The following HDAC4 variants were observed in gnomAD, a reference collection of about 807,000 sequenced individuals.
HDAC4 encodes histone deacetylase A.
Under a neutral mutation model 135.1 loss-of-function variants are expected in HDAC4, and 16 were observed. That is an observed-to-expected ratio of 0.12 (90% CI 0.08 to 0.18). The LOEUF (loss-of-function observed/expected upper bound fraction) is 0.18. Among genes scored for constraint, HDAC4 ranks in the 10% least tolerant of loss-of-function variants. HDAC4 has a pLI of 1.00. For synonymous variants in HDAC4, 685 were observed against 653.4 expected (o/e 1.05, Z -0.74); for missense variants, 1,143 against 1,511.8 (o/e 0.76, Z 4.05).
chr2:239,338,476 A>C (rs1403790307), intron 2 of HDAC4, among the ~76,000 whole-genome samples: 1 of 152,182 alleles, frequency 6.6e-6, no homozygotes, highest in Non-Finnish European at 1.5e-5. Flanking sequence ...CCCCTAGTGC[A>C]AACATCAAAT....
intron 1 of HDAC4, among the ~76,000 whole-genome samples, chr2:239,381,851 G>A (rs1216868827): frequency 6.6e-6 from 1 of 152,200 alleles, no homozygotes. Flanking sequence ...GGAGGAGGGT[G>A]CAAAACCTCC....
chr2:239,132,062 A>T (rs1468921421), intron 11 of HDAC4, among the ~76,000 whole-genome samples: 1 of 152,242 alleles, frequency 6.6e-6, no homozygotes, highest in East Asian at 1.9e-4. Flanking sequence ...GGCCCCTGAG[A>T]CACTGAGGAC....
intron 2 of HDAC4, among the ~76,000 whole-genome samples, chr2:239,279,299 C>T (rs1211303929): frequency 6.6e-6 from 1 of 152,242 alleles, no homozygotes; most frequent in Admixed American, 6.5e-5. Flanking sequence ...AGTGACTGAA[C>T]AAATGACTCA....
intron 17 of HDAC4, among the ~76,000 whole-genome samples, 185 bp from the exon 18 acceptor site, chr2:239,090,301 C>A (rs762468239): frequency 4.6e-5 from 7 of 152,188 alleles, no homozygotes; most frequent in Non-Finnish European, 1.0e-4. Flanking sequence ...AAAGTTTAAA[C>A]AGGAAAATAC....
chr2:239,323,757 CCT>C (rs199567787), intron 2 of HDAC4, among the ~76,000 whole-genome samples: 1,677 of 152,214 alleles, frequency 0.011, 88 homozygotes, highest in East Asian at 0.081. Flanking sequence ...AAAAGCATCC[CCT>C]GTCACGGGGC....
In HDAC4 at chr2:239,080,459, C is replaced by T. The variant is rs73092819; in HGVS notation, c.2750+636G>A. Among the ~76,000 whole-genome samples, 1,262 of 152,316 alleles carry T rather than the reference C, an allele frequency of 8.3e-3. 17 individuals are homozygous for T. Among genetic ancestry groups the T allele is most frequent in the African/African-American group, 0.029 (1,189 of 41,564 alleles). On this transcript the variant is annotated intron_variant, in intron 22 of 26. Transcript: ENST00000543185. The stretch of plus-strand genomic sequence containing the variant: ...CACTCCACCACGGCAGGTGAAGCTG[C>T]CATTTTAAAACGATGACAAGAAAAC...
At chr2:239,370,060 G>A (rs2126001476) in intron 1 of HDAC4, among the ~76,000 whole-genome samples, 1 of 152,364 alleles carries the variant, frequency 6.6e-6, no homozygotes, top group African/African-American at 2.4e-5. Context: ...AGCACGCCCA[G>A]ATGCACGGGG....
intron 1 of HDAC4, among the ~76,000 whole-genome samples, chr2:239,375,450 T>C (rs75227375): frequency 1.0e-3 from 153 of 151,820 alleles, no homozygotes; most frequent in Non-Finnish European, 2.0e-3. Context: ...ACCGTGAGGA[T>C]GTGTGAAGCG....
At chr2:239,332,632 T>TG (rs1283109471) in intron 2 of HDAC4, among the ~76,000 whole-genome samples, 2 of 149,876 alleles carry the variant, frequency 1.3e-5, no homozygotes, top group African/African-American at 4.9e-5. Context: ...GAAGAAAGTC[T>TG]GAAAAAAAAA....
chr2:239,233,616 T>C (rs2047723684), intron 3 of HDAC4, among the ~76,000 whole-genome samples: 1 of 152,238 alleles, frequency 6.6e-6, no homozygotes, highest in Non-Finnish European at 1.5e-5. Context: ...GTATGAATAA[T>C]GCTTTTCTGT....
intron 3 of HDAC4, among the ~76,000 whole-genome samples, chr2:239,224,496 G>T (rs1486023805): frequency 6.6e-6 from 1 of 152,162 alleles, no homozygotes; most frequent in Non-Finnish European, 1.5e-5. Flanking sequence ...CTCCTGACCA[G>T]GTCTTCGGCC....
chr2:239,143,088 T>G (rs2041511582), intron 8 of HDAC4, among the ~76,000 whole-genome samples: 2 of 152,148 alleles, frequency 1.3e-5, no homozygotes, highest in Admixed American at 6.5e-5. Context: ...TGCTGCTTGC[T>G]CAAATTACAT....
intron 22 of HDAC4, among the ~76,000 whole-genome samples, chr2:239,069,485 A>G (rs867992459): frequency 2.1e-3 from 108 of 51,292 alleles, no homozygotes; most frequent in East Asian, 2.2e-3. Flanking sequence ...AAGCCCCACG[A>G]CACTTGCTTG....
At chr2:239,162,470 T>C in intron 6 of HDAC4, 1 of 398,094 alleles carries the variant, frequency 2.5e-6, no homozygotes, top group South Asian at 1.8e-5. Flanking sequence ...AGTAGGACAA[T>C]GGAGTTTCTC....
chr2:239,236,507 G>A (rs982708101), intron 3 of HDAC4, 86 bp downstream of exon 3: 1 of 1,102,110 alleles, frequency 9.1e-7, no homozygotes, highest in Admixed American at 2.0e-5. Flanking sequence ...CGCCCTCTCT[G>A]CACTCCTCCA....
intron 14 of HDAC4, among the ~76,000 whole-genome samples, chr2:239,109,449 C>T (rs1463423756): frequency 6.6e-6 from 1 of 152,102 alleles, no homozygotes; most frequent in Admixed American, 6.5e-5. Context: ...CAAGGTGGTC[C>T]AGTGTTTGCA....
rs201264842 is a variant in HDAC4 at position 239,189,959 on chromosome 2, C to T, written c.213G>A (p.Leu71=). Residue 71 remains leucine (L), a synonymous_variant, in exon 4 of 27, where the codon CTG becomes CTA. Coordinates refer to ENST00000543185, the MANE Select transcript of HDAC4 (RefSeq NM_001378414.1). ...VAEPALREQQ[L]QQELLALKQK... is the part of the protein sequence containing the mutation. ...GCTTGAGCGCCAGGAGCTCCTGCTG[C>T]AGCTGCTGCTCCCGCAGGGCCGGCT... 1.4e-5 allele frequency: 23 copies of T among 1,609,232 alleles called. No homozygotes were observed. The highest frequency in any genetic ancestry group is 4.5e-5 in the East Asian group (2 of 44,834).
intron 1 of HDAC4, among the ~76,000 whole-genome samples, chr2:239,375,635 A>G (rs575821177): frequency 6.6e-6 from 1 of 152,338 alleles, no homozygotes; most frequent in East Asian, 1.9e-4. Flanking sequence ...GTATGACTGC[A>G]GGAGAGGGTC....
At chr2:239,369,346 C>T (rs987619738) in intron 1 of HDAC4, among the ~76,000 whole-genome samples, 1 of 152,124 alleles carries the variant, frequency 6.6e-6, no homozygotes, top group African/African-American at 2.4e-5. Flanking sequence ...GGCAGCAAGC[C>T]GACTGCCCGG....
Sources: allele counts gnomAD v4.1 joint callset (sites outside exome capture counted in the v4.1 genomes callset), GRCh38; gene constraint gnomAD v4.1.1; transcripts MANE v1.5; gene names NCBI Gene and HGNC (gene_info 2026-07-23, HGNC 2026-07-21).